Variants in AKAP19 observed in about 807,000 individuals in gnomAD.
The protein encoded by AKAP19 is A-kinase anchoring protein 19.
the AKAP19 span, among the ~76,000 whole-genome samples, chr2:190,048,708 G>T: frequency 6.6e-6 from 1 of 152,282 alleles, no homozygotes; most frequent in South Asian, 2.1e-4. Flanking sequence ...CAAATAAATT[G>T]CCTATAATAA....
At chr2:190,097,617 A>G in the AKAP19 span, among the ~76,000 whole-genome samples, 1 of 152,158 alleles carries the variant, frequency 6.6e-6, no homozygotes, top group African/African-American at 2.4e-5. Context: ...CAACTTTGTC[A>G]ATTAAGTTTA....
the AKAP19 span, among the ~76,000 whole-genome samples, chr2:189,933,458 T>A: frequency 2.0e-5 from 3 of 152,230 alleles, no homozygotes; most frequent in Non-Finnish European, 4.4e-5. Flanking sequence ...TTTTAAACAG[T>A]CATTTTTCAT....
At chr2:189,948,364 T>TG in the AKAP19 span, among the ~76,000 whole-genome samples, 125 of 87,784 alleles carry the variant, frequency 1.4e-3, no homozygotes, top group East Asian at 2.9e-3. Context: ...GACATATGCC[T>TG]GTTTTTTTTG....
the AKAP19 span, among the ~76,000 whole-genome samples, chr2:190,182,713 A>C: frequency 6.6e-6 from 1 of 152,242 alleles, no homozygotes; most frequent in Non-Finnish European, 1.5e-5. Flanking sequence ...GCCATCTTCA[A>C]ATAAAATAAT....
chr2:190,057,643 T>C, the AKAP19 span: 1 of 1,612,914 alleles, frequency 6.2e-7, no homozygotes, highest in Admixed American at 1.7e-5. Context: ...CGGATTCTGT[T>C]TGAAAAGGAA....
chr2:190,063,563 C>G, the AKAP19 span, among the ~76,000 whole-genome samples: 9 of 152,176 alleles, frequency 5.9e-5, no homozygotes, highest in African/African-American at 2.2e-4. Context: ...TTACAGTTTG[C>G]CTCAGATTTC....
the AKAP19 span, among the ~76,000 whole-genome samples, chr2:190,077,917 T>C: frequency 6.6e-6 from 1 of 152,292 alleles, no homozygotes; most frequent in South Asian, 2.1e-4. Context: ...CCCTGGGTAT[T>C]CAACTAGTCT....
the AKAP19 span, among the ~76,000 whole-genome samples, chr2:189,907,139 G>C: frequency 7.3e-4 from 111 of 152,224 alleles, no homozygotes; most frequent in Non-Finnish European, 1.4e-3. Flanking sequence ...ATCATTTTAA[G>C]TCATTTCTCT....
the AKAP19 span, among the ~76,000 whole-genome samples, chr2:190,198,345 G>C: frequency 0.25 from 38,129 of 152,020 alleles, 5,176 homozygotes; most frequent in East Asian, 0.34. Context: ...TTTGCCTTAA[G>C]ATCAGTGGTT....
the AKAP19 span, chr2:189,930,237 T>A: frequency 3.9e-6 from 1 of 258,002 alleles, no homozygotes; most frequent in Admixed American, 4.5e-5. Context: ...ACATGATGGT[T>A]CACTTGAAGT....
chr2:189,922,803 G>A, the AKAP19 span, among the ~76,000 whole-genome samples: 1 of 152,118 alleles, frequency 6.6e-6, no homozygotes, highest in Admixed American at 6.5e-5. Flanking sequence ...TCTATATAGT[G>A]TTCCTCAGTG....
At chr2:189,892,720 A>C in the AKAP19 span, among the ~76,000 whole-genome samples, 1 of 152,216 alleles carries the variant, frequency 6.6e-6, no homozygotes, top group African/African-American at 2.4e-5. Flanking sequence ...TCAGAGACCC[A>C]CTTGAGGAGG....
the AKAP19 span, among the ~76,000 whole-genome samples, chr2:189,940,085 T>G: frequency 6.6e-6 from 1 of 152,064 alleles, no homozygotes; most frequent in Non-Finnish European, 1.5e-5. Flanking sequence ...CGAGACCATC[T>G]TGGCTAACAT....
the AKAP19 span, among the ~76,000 whole-genome samples, chr2:190,006,485 A>C: frequency 2.0e-5 from 3 of 151,718 alleles, no homozygotes; most frequent in Admixed American, 2.0e-4. Context: ...GTCTCTACTA[A>C]AAATACAAAA....
the AKAP19 span, among the ~76,000 whole-genome samples, chr2:189,928,942 C>T: frequency 1.6e-4 from 25 of 151,832 alleles, no homozygotes; most frequent in African/African-American, 2.9e-4. Flanking sequence ...GGAGTATATA[C>T]GAAAAAATAA....
the AKAP19 span, among the ~76,000 whole-genome samples, chr2:190,163,464 A>C: frequency 6.6e-6 from 1 of 151,062 alleles, no homozygotes; most frequent in Admixed American, 6.6e-5. Context: ...ACAAAAAAAA[A>C]AAAAACTGAG....
At chr2:190,150,689 T>G in the AKAP19 span, among the ~76,000 whole-genome samples, 1 of 151,988 alleles carries the variant, frequency 6.6e-6, no homozygotes, top group Non-Finnish European at 1.5e-5. Context: ...AACTGCTCTG[T>G]CCGGAGCTGC....
chr2:190,097,664 G>A, the AKAP19 span, among the ~76,000 whole-genome samples: 1 of 151,888 alleles, frequency 6.6e-6, no homozygotes, highest in Admixed American at 6.6e-5. Flanking sequence ...TTTCAACAAT[G>A]TTCACAGCAT....
At chr2:189,921,071 A>G in the AKAP19 span, among the ~76,000 whole-genome samples, 9 of 151,990 alleles carry the variant, frequency 5.9e-5, no homozygotes, top group African/African-American at 2.2e-4. Context: ...CTTAACTATC[A>G]TTTCAGCGGA....
Sources: allele counts gnomAD v4.1 joint callset (sites outside exome capture counted in the v4.1 genomes callset), GRCh38; gene constraint gnomAD v4.1.1; transcripts MANE v1.5; gene names NCBI Gene and HGNC (gene_info 2026-07-23, HGNC 2026-07-21).